Variants in SLC22A23 observed in about 807,000 individuals in gnomAD.
The protein encoded by SLC22A23 is solute carrier family 22 member 23.
In SLC22A23, 26 loss-of-function variants were observed where a neutral mutation model predicts 61.0. The ratio of observed to expected loss-of-function variants is 0.43; its 90% CI spans 0.31 to 0.59. The LOEUF is 0.59. Ranked by LOEUF, SLC22A23 falls within the 20% of genes least tolerant of loss-of-function variation. The pLI is 0.11. For missense variants in SLC22A23, 796 were observed against 934.7 expected, an observed-to-expected ratio of 0.85 and a Z score of 1.94; for synonymous variants, 430 against 413.9, an observed-to-expected ratio of 1.04 and a Z score of -0.47.
Position 3,271,406 on chromosome 6 carries a change from G to A in SLC22A23, c.*1649C>T, listed in dbSNP as rs540395420. On this transcript the variant is annotated 3_prime_UTR_variant, in exon 10 of 10. Transcript: ENST00000406686. ...TACACATCTCCAGGCCCTTACTGAT[G>A]TGTGGACCGCATGTGGAGGAGACAT... 4 of 152,548 alleles carry A rather than the reference G, an allele frequency of 2.6e-5. No individual in the cohort carries two copies. The highest frequency in any genetic ancestry group is 4.4e-5 in the Non-Finnish European group (3 of 68,084). 9.4% of individuals were successfully genotyped at this position (152,548 alleles called of 1,614,324 possible).
At chr6:3,303,844 C>T (rs771299584) in intron 4 of SLC22A23, among the ~76,000 whole-genome samples, 22 of 152,196 alleles carry the variant, frequency 1.4e-4, no homozygotes, top group South Asian at 6.2e-4. Context: ...CGAATGTTCC[C>T]AACACAAAGA....
intron 4 of SLC22A23, among the ~76,000 whole-genome samples, chr6:3,320,884 C>CTAAGCACCTTAA: frequency 6.6e-6 from 1 of 152,298 alleles, no homozygotes; most frequent in South Asian, 2.1e-4. Flanking sequence ...CAGACATGTA[C>CTAAGCACCTTAA]TAAGCACCTT....
At position 3,387,321 on chromosome 6, in the gene SLC22A23, C is replaced by T. The variant is rs1767375492; in HGVS notation, c.913+22867G>A. 6.6e-6 allele frequency among the ~76,000 whole-genome samples: 1 copy of T among 152,224 alleles called. No individual in the cohort carries two copies. Among genetic ancestry groups the T allele is most frequent in the South Asian group, 2.1e-4 (1 of 4,838 alleles). On this transcript the variant is annotated intron_variant, in intron 3 of 9. Coordinates refer to ENST00000406686, the MANE Select transcript of SLC22A23 (RefSeq NM_015482.2). The surrounding 1 kb of genome is among the most constrained non-coding windows in gnomAD (Gnocchi z 5.0). The stretch of plus-strand genomic sequence containing the variant: ...ACGCCATGAGCAGGGTGGTGCTCTT[C>T]CCCCTAGTCTGATCAAGAGAAAGTA...
At chr6:3,284,072 G>T in intron 8 of SLC22A23, 97 bp from the exon 9 acceptor site, 1 of 1,310,110 alleles carries the variant, frequency 7.6e-7, no homozygotes, top group Non-Finnish European at 1.0e-6. Flanking sequence ...CCTTCCCAGT[G>T]TCCAGCTTGC....
At chr6:3,365,278 C>T (rs561652946) in intron 3 of SLC22A23, among the ~76,000 whole-genome samples, 4 of 152,282 alleles carry the variant, frequency 2.6e-5, no homozygotes, top group South Asian at 2.1e-4. Flanking sequence ...GCCAAGATCA[C>T]GCCACTGCAC....
At chr6:3,292,450 CTAG>C (rs112819063) in intron 5 of SLC22A23, among the ~76,000 whole-genome samples, 9,676 of 152,218 alleles carry the variant, frequency 0.064, 1,082 homozygotes, top group African/African-American at 0.22. Flanking sequence ...ACACTGGCAT[CTAG>C]GATTTGCTGC....
chr6:3,321,989 A>G (rs902547977), intron 4 of SLC22A23, among the ~76,000 whole-genome samples: 2 of 152,176 alleles, frequency 1.3e-5, no homozygotes, highest in African/African-American at 2.4e-5. Context: ...TTTAATGAGC[A>G]AGTATTTATT....
chr6:3,376,634 T>C (rs996360053), intron 3 of SLC22A23, among the ~76,000 whole-genome samples: 10 of 152,178 alleles, frequency 6.6e-5, no homozygotes, highest in Non-Finnish European at 1.3e-4. Flanking sequence ...AATCCTTACA[T>C]CATTCGCTTA....
rs1446528361 is a variant in SLC22A23 at position 3,410,542 on chromosome 6, C to T, written c.759-200G>A. ...AGATTTAGCCCAACCCCCTAATTCT[C>T]GAGATAAGGGAGCAGAGATCAACCA... is the stretch of plus-strand genomic sequence containing the variant. On this transcript the variant is annotated intron_variant, in intron 2 of 9. Transcript: ENST00000406686. This position sits in a 1 kb window ranked among gnomAD's most constrained non-coding sequence, Gnocchi z 5.0. 6.6e-6 allele frequency among the ~76,000 whole-genome samples: 1 copy of T among 152,048 alleles called. No individual in the cohort carries two copies. Among genetic ancestry groups the T allele is most frequent in the East Asian group, 1.9e-4 (1 of 5,190 alleles).
chr6:3,425,201 C>G (rs1409932588), intron 1 of SLC22A23, among the ~76,000 whole-genome samples: 3 of 151,564 alleles, frequency 2.0e-5, no homozygotes, highest in African/African-American at 4.9e-5. Context: ...TAATTTTCCT[C>G]CAGGGAAAGA....
intron 3 of SLC22A23, among the ~76,000 whole-genome samples, chr6:3,345,345 G>A (rs1764366143): frequency 6.7e-6 from 1 of 149,786 alleles, no homozygotes; most frequent in African/African-American, 2.5e-5. Context: ...GAAAGTACCA[G>A]TAGTTTATAT....
At position 3,298,187 on chromosome 6, in the gene SLC22A23, C is replaced by T; in HGVS notation, c.1114G>A (p.Ala372Thr). ...TTTGCAGACTCAAACTGCTGGGTGG[C>T]CATTAGCCACCGGAGGGACTCGGGG... Reference protein sequence around the residue: ...IFPESLRWLMATQQFESAKRL... With the variant: ...IFPESLRWLMTTQQFESAKRL... Residue 372 changes from alanine to threonine, a missense_variant, in exon 5 of 10, where the codon GCC becomes ACC. Transcript: ENST00000406686. 1.3e-6 allele frequency: 2 copies of T among 1,590,938 alleles called. No homozygotes were observed. The highest frequency in any genetic ancestry group is 2.3e-5 in the East Asian group (1 of 43,338).
Position 3,410,096 on chromosome 6 carries a change from G to T in SLC22A23, c.913+92C>A. The stretch of plus-strand genomic sequence containing the variant: ...TTTCCACAAAACTGCCAGCCCACAC[G>T]AGCAGCATGCACAGTATCTTTCCCA... On this transcript the variant is annotated intron_variant, in intron 3 of 9. Transcript: ENST00000406686. The surrounding 1 kb of genome is among the most constrained non-coding windows in gnomAD (Gnocchi z 5.0). 1 of 1,421,820 alleles carries T rather than the reference G, an allele frequency of 7.0e-7. No homozygotes were observed. The highest frequency in any genetic ancestry group is 9.4e-7 in the Non-Finnish European group (1 of 1,061,510). The allele number at this position is 1,421,820 out of a possible 1,614,324, so 88.1% of individuals were successfully genotyped here. A position where few individuals can be genotyped will look rare whatever the true frequency, so the allele number is the denominator to read the frequency against.
intron 2 of SLC22A23, 82 bp downstream of exon 2, chr6:3,415,670 C>G: frequency 1.0e-6 from 1 of 981,334 alleles, no homozygotes; most frequent in Non-Finnish European, 1.6e-6. Context: ...TCATGGTAAG[C>G]TAACACTGAC....
At chr6:3,288,419 G>C (rs752131265) in intron 6 of SLC22A23, among the ~76,000 whole-genome samples, 4 of 152,212 alleles carry the variant, frequency 2.6e-5, no homozygotes, top group Non-Finnish European at 5.9e-5. Flanking sequence ...TTCCTCTTGG[G>C]AAATAGGCAG....
Position 3,333,467 on chromosome 6 carries a change from G to A in SLC22A23, c.914-9465C>T, listed in dbSNP as rs576023453. Among the ~76,000 whole-genome samples the A allele has an allele frequency of 7.3e-5, 11 of 150,396 alleles. No individual in the cohort carries two copies. The highest frequency in any genetic ancestry group is 2.0e-4 in the African/African-American group (8 of 40,798). ...CAGACCACATCACCTGCCCCTCCCC[G>A]CCCCATCGCTCCACTTCAGCCACAC... On this transcript the variant is annotated intron_variant, in intron 3 of 9. Coordinates refer to ENST00000406686, the MANE Select transcript of SLC22A23 (RefSeq NM_015482.2). This position sits in a 1 kb window ranked among gnomAD's most constrained non-coding sequence, Gnocchi z 4.1.
At chr6:3,435,355 G>A (rs1370597018) in intron 1 of SLC22A23, among the ~76,000 whole-genome samples, 1 of 148,222 alleles carries the variant, frequency 6.7e-6, no homozygotes, top group Admixed American at 6.8e-5. Flanking sequence ...CACCATCCCT[G>A]CTCCCCTTCC....
intron 3 of SLC22A23, among the ~76,000 whole-genome samples, chr6:3,362,404 C>CACAAAAAAAAAAAAA (rs1765517764): frequency 1.9e-5 from 1 of 53,178 alleles, no homozygotes. Flanking sequence ...TTCCGTCTCA[C>CACAAAAAAAAAAAAA]AAAAAAAAAA....
intron 3 of SLC22A23, among the ~76,000 whole-genome samples, chr6:3,370,201 C>T (rs1766118713): frequency 6.6e-6 from 1 of 152,124 alleles, no homozygotes; most frequent in South Asian, 2.1e-4. Context: ...AGAGGTTAGC[C>T]ATACGTAGGA....
Sources: allele counts gnomAD v4.1 joint callset (sites outside exome capture counted in the v4.1 genomes callset), GRCh38; gene constraint gnomAD v4.1.1; non-coding constraint Gnocchi (gnomAD v3.1); transcripts MANE v1.5; gene names NCBI Gene and HGNC (gene_info 2026-07-23, HGNC 2026-07-21).